RBMS3: variants seen among roughly 807,000 people sequenced by gnomAD.
RBMS3 encodes RNA binding motif single stranded interacting protein 3, also known as RNA-binding motif, single-stranded-interacting protein 3.
A neutral mutation model predicts 66.8 loss-of-function variants in RBMS3; 27 were observed. The ratio of observed to expected loss-of-function variants is 0.40; its 90% CI spans 0.30 to 0.56. The LOEUF is 0.56. Ranked by LOEUF, RBMS3 falls within the 20% of genes least tolerant of loss-of-function variation. The pLI, the probability that RBMS3 is intolerant of heterozygous loss-of-function variation, is 0.40. For missense variants in RBMS3, 513 were observed against 549.5 expected, an observed-to-expected ratio of 0.93 and a Z score of 0.66; for synonymous variants, 188 against 183.0, an observed-to-expected ratio of 1.03 and a Z score of -0.22.
Position 29,359,360 on chromosome 3 carries a change from C to T in RBMS3, c.76-75383C>T, listed in dbSNP as rs186910133. 5.8e-3 allele frequency among the ~76,000 whole-genome samples: 885 copies of T among 152,212 alleles called. 6 individuals carry two copies. The highest frequency in any genetic ancestry group is 0.02 in the African/African-American group (848 of 41,534). On this transcript the variant is annotated intron_variant, in intron 1 of 14. Coordinates refer to ENST00000383767, the MANE Select transcript of RBMS3 (RefSeq NM_001003793.3). Reference sequence around the variant, plus strand: ...ATGCTGGATTACGTTTATTGATTTTCGTATGTTGAACCAGCCTTGCATCCC... The same window carrying T: ...ATGCTGGATTACGTTTATTGATTTTTGTATGTTGAACCAGCCTTGCATCCC...
chr3:29,955,592 A>AT, intron 12 of RBMS3, among the ~76,000 whole-genome samples: 1 of 152,144 alleles, frequency 6.6e-6, no homozygotes, highest in South Asian at 2.1e-4. Flanking sequence ...ACAGCTCTTC[A>AT]TGAAGTATGC....
intron 4 of RBMS3, among the ~76,000 whole-genome samples, chr3:29,603,465 C>T (rs1271514091): frequency 6.6e-6 from 1 of 151,792 alleles, no homozygotes; most frequent in Non-Finnish European, 1.5e-5. Flanking sequence ...GGCATTTTGC[C>T]CACCATAGAG....
intron 3 of RBMS3, among the ~76,000 whole-genome samples, chr3:29,509,787 T>G (rs1374490949): frequency 6.6e-6 from 1 of 152,236 alleles, no homozygotes; most frequent in Non-Finnish European, 1.5e-5. Flanking sequence ...ATGTTTCACT[T>G]AAACTATGGG....
At chr3:29,852,843 T>C (rs1219922213) in intron 6 of RBMS3, among the ~76,000 whole-genome samples, 3 of 152,188 alleles carry the variant, frequency 2.0e-5, no homozygotes, top group Non-Finnish European at 4.4e-5. Context: ...TGTTCTATTA[T>C]AAAGAAGCAT....
chr3:29,764,155 C>A (rs2149385077), intron 6 of RBMS3, among the ~76,000 whole-genome samples: 1 of 152,070 alleles, frequency 6.6e-6, no homozygotes, highest in Non-Finnish European at 1.5e-5. Flanking sequence ...AAAGACCCTT[C>A]AGACAGACAC....
chr3:29,603,184 A>T (rs928999422), intron 4 of RBMS3, among the ~76,000 whole-genome samples: 2 of 152,024 alleles, frequency 1.3e-5, no homozygotes, highest in African/African-American at 4.8e-5. Flanking sequence ...ATACTTGTTG[A>T]ATGAAATAAC....
intron 10 of RBMS3, among the ~76,000 whole-genome samples, chr3:29,910,761 A>G (rs2060494884): frequency 6.6e-6 from 1 of 151,578 alleles, no homozygotes; most frequent in Non-Finnish European, 1.5e-5. Flanking sequence ...ATATACATAT[A>G]TATGTATACG....
chr3:29,896,906 G>T (rs1275032112), intron 8 of RBMS3, among the ~76,000 whole-genome samples: 1 of 151,514 alleles, frequency 6.6e-6, no homozygotes, highest in Non-Finnish European at 1.5e-5. Flanking sequence ...TCTTTTCATG[G>T]AGAAAGTATT....
At chr3:29,294,909 G>A (rs2033118191) in intron 1 of RBMS3, among the ~76,000 whole-genome samples, 2 of 151,576 alleles carry the variant, frequency 1.3e-5, no homozygotes, top group Non-Finnish European at 3.0e-5. Context: ...ATACCCAGAT[G>A]GGTTTTTTAA....
chr3:29,964,092 G>A (rs1359172939), intron 12 of RBMS3, among the ~76,000 whole-genome samples: 2 of 152,142 alleles, frequency 1.3e-5, no homozygotes, highest in Non-Finnish European at 2.9e-5. Context: ...ACCACGAAGT[G>A]TGTTTCTGAA....
At chr3:29,334,724 A>G (rs142117639) in intron 1 of RBMS3, among the ~76,000 whole-genome samples, 2 of 152,318 alleles carry the variant, frequency 1.3e-5, no homozygotes, top group African/African-American at 4.8e-5. Context: ...ATTGCGCTTT[A>G]AAGAATCATT....
At chr3:29,897,221 G>C (rs2060142644) in intron 8 of RBMS3, among the ~76,000 whole-genome samples, 158 bp from the exon 9 acceptor site, 1 of 151,412 alleles carries the variant, frequency 6.6e-6, no homozygotes, top group Non-Finnish European at 1.5e-5. Context: ...TCTCTTAGTG[G>C]AATCAAATAA....
At chr3:29,290,476 G>A (rs117765150) in intron 1 of RBMS3, among the ~76,000 whole-genome samples, 1 of 151,724 alleles carries the variant, frequency 6.6e-6, no homozygotes, top group South Asian at 2.1e-4. Context: ...ACTACCCTTG[G>A]AGGGTGGTGA....
rs771734249 is a variant in RBMS3 at position 29,899,667 on chromosome 3, T to C, written c.889-38T>C. 7.5e-6 allele frequency: 12 copies of C among 1,592,466 alleles called. No individual in the cohort carries two copies. In the Admixed American group the frequency reaches 1.7e-4, roughly 22 times the overall value. ...GAACACAAGAACCAAGTTCTCTCTA[T>C]GATTGCTTTGTGCTAATAAATGCTG... On this transcript the variant is annotated intron_variant, in intron 9 of 14. Transcript: ENST00000383767.
intron 3 of RBMS3, among the ~76,000 whole-genome samples, chr3:29,577,303 G>T (rs1208916743): frequency 2.0e-5 from 3 of 152,236 alleles, no homozygotes; most frequent in African/African-American, 7.2e-5. Flanking sequence ...TTTACTCTTT[G>T]CTGTCTGCCC....
At chr3:29,462,559 C>T (rs2042406829) in intron 2 of RBMS3, among the ~76,000 whole-genome samples, 1 of 152,172 alleles carries the variant, frequency 6.6e-6, no homozygotes, top group Admixed American at 6.5e-5. Context: ...TCTTAAATAT[C>T]AGTTCTGGGA....
At chr3:29,744,579 C>T (rs1038849204) in intron 5 of RBMS3, among the ~76,000 whole-genome samples, 7 of 152,044 alleles carry the variant, frequency 4.6e-5, no homozygotes, top group Admixed American at 3.9e-4. Flanking sequence ...GTCAGGAGTT[C>T]GAGGCCAGCC....
At chr3:29,509,077 T>A (rs9990409) in intron 3 of RBMS3, among the ~76,000 whole-genome samples, 1 of 151,606 alleles carries the variant, frequency 6.6e-6, no homozygotes, top group East Asian at 2.0e-4. Context: ...GTTTAAGTTC[T>A]TTGTAGATTC....
At chr3:29,726,326 C>T (rs1171613533) in intron 4 of RBMS3, among the ~76,000 whole-genome samples, 1 of 152,080 alleles carries the variant, frequency 6.6e-6, no homozygotes, top group African/African-American at 2.4e-5. Flanking sequence ...TCTCACCACT[C>T]CTATTCAGCA....
Sources: gnomAD v4.1 joint callset for allele counts (sites outside exome capture counted in the v4.1 genomes callset) on GRCh38, gnomAD v4.1.1 for gene constraint, MANE v1.5 for transcripts, NCBI Gene and HGNC (gene_info 2026-07-23, HGNC 2026-07-21) for gene names.